The following FUT8 variants were observed in gnomAD, a reference collection of about 807,000 sequenced individuals.
FUT8 encodes fucosyltransferase 8.
In FUT8, 29 loss-of-function variants were observed where a neutral mutation model predicts 71.3. The ratio of observed to expected loss-of-function variants is 0.41; its 90% CI spans 0.30 to 0.55. FUT8 has a LOEUF of 0.55. Among genes scored for constraint, FUT8 ranks in the 20% least tolerant of loss-of-function variants. The pLI is 0.34. For missense variants in FUT8, 544 were observed against 702.1 expected (o/e 0.77, Z 2.55); for synonymous variants, 254 against 239.3 (o/e 1.06, Z -0.57).
intron 1 of FUT8, among the ~76,000 whole-genome samples, chr14:65,433,609 A>G (rs1690724929): frequency 6.6e-6 from 1 of 152,244 alleles, no homozygotes; most frequent in South Asian, 2.1e-4. Flanking sequence ...GTAAAATGTA[A>G]GGTAATGAAA....
the FUT8 span, among the ~76,000 whole-genome samples, chr14:65,371,204 T>A: frequency 6.6e-5 from 10 of 152,212 alleles, no homozygotes; most frequent in Non-Finnish European, 1.3e-4. Flanking sequence ...CCCATTCTAG[T>A]CCCCTGCAAA....
chr14:65,575,448 T>A (rs1886704009), intron 3 of FUT8, among the ~76,000 whole-genome samples: 1 of 152,212 alleles, frequency 6.6e-6, no homozygotes, highest in Admixed American at 6.5e-5. Context: ...GTACAGAAAA[T>A]CCCATTTTGA....
rs193006473 is a variant in FUT8, at chr14:65,595,246, A to G, written c.204-20732A>G. 1.2e-3 allele frequency among the ~76,000 whole-genome samples: 183 copies of G among 152,320 alleles called. 2 individuals are homozygous for G. Among genetic ancestry groups the G allele is most frequent in the Admixed American group, 0.011 (173 of 15,302 alleles). On this transcript the variant is annotated intron_variant, in intron 3 of 10. Coordinates refer to ENST00000673929, the MANE Select transcript of FUT8 (RefSeq NM_001371533.1). ...TCCTGAGTCTCCTGAAAGTGTCTGG[A>G]TATGGTTAATATGAGAGGATGTAAT... is the stretch of plus-strand genomic sequence containing the variant.
At chr14:65,532,876 T>C (rs1884052422) in intron 2 of FUT8, among the ~76,000 whole-genome samples, 1 of 152,200 alleles carries the variant, frequency 6.6e-6, no homozygotes, top group Non-Finnish European at 1.5e-5. Context: ...CCCAGCATCA[T>C]TTTATTGAAT....
At chr14:65,487,900 T>G (rs1255303765) in intron 2 of FUT8, among the ~76,000 whole-genome samples, 1 of 152,188 alleles carries the variant, frequency 6.6e-6, no homozygotes, top group East Asian at 1.9e-4. Context: ...TGATCATAAC[T>G]CACTGCAGCC....
intron 6 of FUT8, among the ~76,000 whole-genome samples, chr14:65,649,710 A>G (rs1478822600): frequency 2.0e-5 from 3 of 152,222 alleles, no homozygotes; most frequent in Admixed American, 2.0e-4. Flanking sequence ...CATTTCAAAT[A>G]AATGTTATAT....
intron 3 of FUT8, among the ~76,000 whole-genome samples, chr14:65,568,695 TTG>T (rs1348328250): frequency 1.3e-5 from 2 of 151,634 alleles, no homozygotes; most frequent in Non-Finnish European, 3.0e-5. Context: ...ACTTATGTTG[TTG>T]AATGCTTAAG....
chr14:65,393,126 G>A, the FUT8 span, among the ~76,000 whole-genome samples: 2 of 152,182 alleles, frequency 1.3e-5, no homozygotes, highest in African/African-American at 2.4e-5. Context: ...CTAGGGGTGA[G>A]AACACAGCTG....
rs1300335787 is a variant in FUT8 at position 65,467,377 on chromosome 14, A to G, written c.-228+11659A>G. Among the ~76,000 whole-genome samples the G allele has an allele frequency of 2.0e-5, 3 of 152,162 alleles. No individual in the cohort carries two copies. Among genetic ancestry groups the G allele is most frequent in the Non-Finnish European group, 4.4e-5 (3 of 68,020 alleles). ...CAGTGGCACGATCTTGGCTCACTGC[A>G]ACCACTGCCTCCCGGGTTCAAGCGA... On this transcript the variant is annotated intron_variant, in intron 2 of 10. Transcript: ENST00000673929. The surrounding 1 kb of genome is among the most constrained non-coding windows in gnomAD (Gnocchi z 4.1).
chr14:65,452,439 G>C (rs989578367), intron 1 of FUT8, among the ~76,000 whole-genome samples: 1 of 152,150 alleles, frequency 6.6e-6, no homozygotes, highest in African/African-American at 2.4e-5. Context: ...GGTTGCTCTA[G>C]CTCACACCTA....
At chr14:65,439,954 G>GTGTGTGTGTGTGTA in intron 1 of FUT8, among the ~76,000 whole-genome samples, 1 of 74,984 alleles carries the variant, frequency 1.3e-5, no homozygotes, top group African/African-American at 5.1e-5. Context: ...GTGTGTGTGT[G>GTGTGTGTGTGTGTA]TATATATATA....
the FUT8 span, among the ~76,000 whole-genome samples, chr14:65,384,727 A>G: frequency 6.6e-6 from 1 of 152,154 alleles, no homozygotes; most frequent in Non-Finnish European, 1.5e-5. The surrounding 1 kb of genome is among the most constrained non-coding windows in gnomAD (Gnocchi z 4.2). Context: ...ATGCATTTTC[A>G]TGTTATCACC....
At chr14:65,544,849 ATAAG>A (rs1310118142) in intron 2 of FUT8, among the ~76,000 whole-genome samples, 1 of 152,140 alleles carries the variant, frequency 6.6e-6, no homozygotes, top group Non-Finnish European at 1.5e-5. Context: ...ATAGATGAGT[ATAAG>A]TAATGAATGA....
intron 6 of FUT8, among the ~76,000 whole-genome samples, chr14:65,662,764 A>G (rs1258070122): frequency 6.6e-6 from 1 of 152,150 alleles, no homozygotes; most frequent in Non-Finnish European, 1.5e-5. Flanking sequence ...GTAGGGAGGT[A>G]ATTTTTGTGT....
intron 1 of FUT8, among the ~76,000 whole-genome samples, chr14:65,452,408 A>G (rs76703986): frequency 6.6e-6 from 1 of 152,194 alleles, no homozygotes; most frequent in Non-Finnish European, 1.5e-5. Context: ...GGGATGGGAA[A>G]CAAATTAGGC....
intron 6 of FUT8, among the ~76,000 whole-genome samples, chr14:65,650,123 C>T (rs184810074): frequency 7.9e-5 from 12 of 151,760 alleles, no homozygotes; most frequent in Admixed American, 1.3e-4. Context: ...AGTGAAACCC[C>T]GTCTCTACTA....
Position 65,742,227 on chromosome 14 carries a change from C to T in FUT8, c.1545C>T (p.Pro515=), listed in dbSNP as rs778765691. The change falls in exon 11 of 11, where the codon CCC becomes CCT. Residue 515 remains proline (P), a synonymous_variant. Coordinates refer to ENST00000673929, the MANE Select transcript of FUT8 (RefSeq NM_001371533.1). ...AAATTGCCATTTATGCTCACCAACCCCGAACTGCAGATGAAATTCCCATGG... is the reference window on the plus strand; with the variant it reads ...AAATTGCCATTTATGCTCACCAACCTCGAACTGCAGATGAAATTCCCATGG... ...HNQIAIYAHQ[P]RTADEIPMEP... The T allele has an allele frequency of 6.2e-7, 1 of 1,613,002 alleles. No homozygotes were observed. The highest frequency in any genetic ancestry group is 1.3e-5 in the African/African-American group (1 of 74,820).
chr14:65,603,805 A>G lies in FUT8; in HGVS notation c.204-12173A>G, dbSNP rs543534675. Among the ~76,000 whole-genome samples, 9 of 152,028 alleles carry G rather than the reference A, an allele frequency of 5.9e-5. No individual in the cohort carries two copies. In the East Asian group the frequency reaches 1.7e-3, roughly 29 times the overall value. On this transcript the variant is annotated intron_variant, in intron 3 of 10. Coordinates refer to ENST00000673929, the MANE Select transcript of FUT8 (RefSeq NM_001371533.1). This position sits in a 1 kb window ranked among gnomAD's most constrained non-coding sequence, Gnocchi z 4.5. ...TGTAAGTGGTCTAAGTGCTCCACTTAAAAGGTACAGAATTGCAGAATGGAT... is the reference window on the plus strand; with the variant it reads ...TGTAAGTGGTCTAAGTGCTCCACTTGAAAGGTACAGAATTGCAGAATGGAT...
Position 65,489,633 on chromosome 14 carries a change from A to T in FUT8, c.-228+33915A>T, listed in dbSNP as rs2066455700. On this transcript the variant is annotated intron_variant, in intron 2 of 10. Coordinates refer to ENST00000673929, the MANE Select transcript of FUT8 (RefSeq NM_001371533.1). This position sits in a 1 kb window ranked among gnomAD's most constrained non-coding sequence, Gnocchi z 4.0. ...ATCATATTTAAAATATAACATAAAA[A>T]TGAGTCTTAAAATATGTATAGCTTC... 6.6e-6 allele frequency among the ~76,000 whole-genome samples: 1 copy of T among 152,162 alleles called. No homozygotes were observed. Among genetic ancestry groups the T allele is most frequent in the Non-Finnish European group, 1.5e-5 (1 of 67,998 alleles).
Sources: allele counts gnomAD v4.1 joint callset (sites outside exome capture counted in the v4.1 genomes callset), GRCh38; gene constraint gnomAD v4.1.1; non-coding constraint Gnocchi (gnomAD v3.1); transcripts MANE v1.5; gene names NCBI Gene and HGNC (gene_info 2026-07-23, HGNC 2026-07-21).